Variants in TEX11 observed in about 807,000 individuals in gnomAD.
TEX11 encodes testis expressed 11, also known as testis-expressed protein 11.
TEX11 carries 7 observed loss-of-function variants against 84.4 expected under a neutral mutation model. The observed-to-expected ratio is 0.08, with a 90% CI of 0.05 to 0.16. The LOEUF (loss-of-function observed/expected upper bound fraction) is 0.16, where lower values mean the gene tolerates loss of function less well. TEX11 is among the 10% of genes least tolerant of loss of function. The pLI is 1.00. For missense variants in TEX11, 551 were observed against 660.5 expected (o/e 0.83, Z 1.82); for synonymous variants, 264 against 222.8 (o/e 1.18, Z -1.64).
intron 2 of TEX11, among the ~76,000 whole-genome samples, chrX:70,892,690 C>A (rs2091744876): frequency 9.2e-6 from 1 of 108,846 alleles, no homozygotes. Flanking sequence ...ATGAGATCGA[C>A]CCACTGCACT....
intron 9 of TEX11, among the ~76,000 whole-genome samples, chrX:70,749,994 A>C (rs1468851388): frequency 9.0e-6 from 1 of 110,861 alleles, no homozygotes; most frequent in East Asian, 2.8e-4. Context: ...CAACCTACAA[A>C]ATGGGAGAAA....
At chrX:70,636,557 C>T (rs1487403581) in intron 17 of TEX11, among the ~76,000 whole-genome samples, 1 of 112,364 alleles carries the variant, frequency 8.9e-6, no homozygotes, top group African/African-American at 3.2e-5. Flanking sequence ...CCAACCCCTA[C>T]AGACTCAGGC....
At chrX:70,590,773 G>A (rs1317883990) in intron 25 of TEX11, among the ~76,000 whole-genome samples, 3 of 111,680 alleles carry the variant, frequency 2.7e-5, no homozygotes, top group Non-Finnish European at 5.6e-5. Context: ...TTGAGACAGA[G>A]TTTCGCTCTT....
chrX:70,585,811 G>A (rs775660323), intron 25 of TEX11, among the ~76,000 whole-genome samples: 1 of 112,568 alleles, frequency 8.9e-6, no homozygotes, highest in East Asian at 2.8e-4. Context: ...CCAGCACTTT[G>A]GGAGGCCGAG....
At chrX:70,595,273 T>C (rs1397451768) in intron 24 of TEX11, among the ~76,000 whole-genome samples, 1 of 110,622 alleles carries the variant, frequency 9.0e-6, no homozygotes, top group East Asian at 2.8e-4. Context: ...TTAGTAGAGA[T>C]GGGGTTTCAC....
At position 70,722,831 on chromosome X, in the gene TEX11, A is replaced by T. The variant is rs1603237049; in HGVS notation, c.926-135T>A. 5 of 489,646 alleles carry T rather than the reference A, an allele frequency of 1.0e-5. No homozygotes were observed. The Admixed American group carries it at 1.7e-4, about 17-fold the overall frequency. 40.4% of individuals were successfully genotyped at this position (489,646 alleles called of 1,213,427 possible). A position where few individuals can be genotyped will look rare whatever the true frequency, so the allele number is the denominator to read the frequency against. Reference sequence around the variant, plus strand: ...ACCATGTTTTGCCTAAAAATTTATCAAAATCTTCTTTTAAAGTATTAACAT... The same window carrying T: ...ACCATGTTTTGCCTAAAAATTTATCTAAATCTTCTTTTAAAGTATTAACAT... On this transcript the variant is annotated intron_variant, in intron 12 of 29. Transcript: ENST00000374333.
chrX:70,735,364 C>G (rs1253962172), intron 11 of TEX11, among the ~76,000 whole-genome samples: 2 of 111,685 alleles, frequency 1.8e-5, no homozygotes, highest in African/African-American at 6.5e-5. Flanking sequence ...AAAATATGAT[C>G]TTGTATACAG....
At chrX:70,520,921 G>T in the TEX11 span, among the ~76,000 whole-genome samples, 2 of 112,153 alleles carry the variant, frequency 1.8e-5, no homozygotes, top group Admixed American at 1.9e-4. Context: ...GCAAAGCTCC[G>T]CGGGCATGGG....
intron 26 of TEX11, among the ~76,000 whole-genome samples, chrX:70,553,712 T>A (rs1176723024): frequency 9.0e-6 from 1 of 111,143 alleles, no homozygotes; most frequent in Admixed American, 9.6e-5. Context: ...AATAATCTTA[T>A]GAATGACAGT....
intron 9 of TEX11, among the ~76,000 whole-genome samples, chrX:70,783,047 C>T (rs775225932): frequency 1.8e-5 from 2 of 111,382 alleles, no homozygotes; most frequent in South Asian, 3.8e-4. Context: ...AGCACCACAT[C>T]GCACTTATTC....
chrX:70,653,644 A>G (rs1350665969), intron 16 of TEX11, among the ~76,000 whole-genome samples: 2 of 112,027 alleles, frequency 1.8e-5, no homozygotes, highest in African/African-American at 6.5e-5. Flanking sequence ...AGTTTCCTAC[A>G]AAACTAAACA....
chrX:70,781,463 G>A (rs916748116), intron 9 of TEX11, among the ~76,000 whole-genome samples: 3 of 111,937 alleles, frequency 2.7e-5, no homozygotes, highest in Non-Finnish European at 5.6e-5. Flanking sequence ...GATGGAGAAT[G>A]ACTTTCATGA....
intron 9 of TEX11, among the ~76,000 whole-genome samples, chrX:70,777,986 C>T (rs1602119371): frequency 8.9e-6 from 1 of 112,057 alleles, no homozygotes; most frequent in African/African-American, 3.2e-5. Flanking sequence ...AATCTATTTC[C>T]TTCCTACAAG....
At chrX:70,812,540 G>A (rs945528218) in intron 8 of TEX11, among the ~76,000 whole-genome samples, 1 of 111,002 alleles carries the variant, frequency 9.0e-6, no homozygotes, top group African/African-American at 3.3e-5. Flanking sequence ...TGTAAGGAAG[G>A]GATCCAGTTT....
chrX:70,815,349 A>T, intron 8 of TEX11, among the ~76,000 whole-genome samples: 1 of 111,818 alleles, frequency 8.9e-6, no homozygotes, highest in Non-Finnish European at 1.9e-5. Context: ...TGTCCTAGTT[A>T]TTCCAGTTAA....
At chrX:70,619,924 T>TCAGCCTCCCGAGTAGCTGGGAATA (rs2089364166) in intron 20 of TEX11, among the ~76,000 whole-genome samples, 2 of 108,942 alleles carry the variant, frequency 1.8e-5, no homozygotes, top group Non-Finnish European at 3.8e-5. Context: ...TTCTCCTGCC[T>TCAGCCTCCCGAGTAGCTGGGAATA]CAGCCTCCCG....
intron 27 of TEX11, among the ~76,000 whole-genome samples, chrX:70,552,503 G>C (rs1361419191): frequency 9.2e-6 from 1 of 109,161 alleles, no homozygotes; most frequent in African/African-American, 3.5e-5. Flanking sequence ...AGTTGTGGCT[G>C]TCTATTATAT....
At position 70,810,415 on chromosome X, in the gene TEX11, T is replaced by C. The variant is rs748193435; in HGVS notation, c.607-3625A>G. On this transcript the variant is annotated intron_variant, in intron 8 of 29. Transcript: ENST00000374333. ...ACCCAAATGCCCATCAATGATAGAC[T>C]GGATAAAGAAAATGTGGCACATATA... Among the ~76,000 whole-genome samples the C allele has an allele frequency of 2.7e-5, 3 of 112,022 alleles. No individual in the cohort carries two copies. In the Admixed American group the frequency reaches 2.8e-4, roughly 11 times the overall value.
chrX:70,566,608 C>T (rs2088484002), intron 25 of TEX11, among the ~76,000 whole-genome samples: 1 of 111,272 alleles, frequency 9.0e-6, no homozygotes, highest in Non-Finnish European at 1.9e-5. Flanking sequence ...GAATTTTTAG[C>T]ATGAAGGGTT....
Sources: gnomAD v4.1 joint callset for allele counts (sites outside exome capture counted in the v4.1 genomes callset) on GRCh38, gnomAD v4.1.1 for gene constraint, MANE v1.5 for transcripts, NCBI Gene and HGNC (gene_info 2026-07-23, HGNC 2026-07-21) for gene names.